The following ARHGAP31 variants were observed in gnomAD, a reference collection of about 807,000 sequenced individuals.
ARHGAP31 encodes rho GTPase-activating protein 31.
Under a neutral mutation model 113.9 loss-of-function variants are expected in ARHGAP31, and 34 were observed. The ratio of observed to expected loss-of-function variants is 0.30; its 90% CI spans 0.23 to 0.40. ARHGAP31 has a LOEUF of 0.40. ARHGAP31 is among the 10% of genes least tolerant of loss of function. The probability of loss-of-function intolerance (pLI) is 1.00; values close to 1 mark genes in which losing one functional copy is unlikely to be tolerated. For missense variants in ARHGAP31, 1,548 were observed against 1,767.1 expected (o/e 0.88, Z 2.22); for synonymous variants, 650 against 684.8 (o/e 0.95, Z 0.79).
At position 119,415,923 on chromosome 3, in the gene ARHGAP31, G is replaced by T. The variant is rs1383117353; in HGVS notation, c.3994G>T (p.Gly1332Cys). The T allele has an allele frequency of 4.3e-6, 7 of 1,614,026 alleles. No homozygotes were observed. The African/African-American group carries it at 8.0e-5, about 18-fold the overall frequency. ...LSSKLERPSG[G>C]SKPFHRSRPG... Reference sequence around the variant, plus strand: ...TTCAAAACTAGAGCGACCATCTGGGGGTTCTAAGCCTTTCCACAGGTCAAG... The same window carrying T: ...TTCAAAACTAGAGCGACCATCTGGGTGTTCTAAGCCTTTCCACAGGTCAAG... Residue 1332 changes from glycine to cysteine, a missense_variant, in exon 12 of 12, where the codon GGT becomes TGT. Coordinates refer to ENST00000264245, the MANE Select transcript of ARHGAP31 (RefSeq NM_020754.4).
chr3:119,361,309 G>C (rs1164051687), intron 1 of ARHGAP31, among the ~76,000 whole-genome samples: 1 of 151,594 alleles, frequency 6.6e-6, no homozygotes, highest in Non-Finnish European at 1.5e-5. Context: ...GAAATCCCCA[G>C]GTGATTTTAT....
At chr3:119,298,861 A>G in intron 1 of ARHGAP31, 1 of 222,800 alleles carries the variant, frequency 4.5e-6, no homozygotes, top group Non-Finnish European at 9.3e-6. Context: ...ATACTTCCGA[A>G]GTTGTATGTA....
intron 1 of ARHGAP31, among the ~76,000 whole-genome samples, chr3:119,349,558 G>A (rs114721355): frequency 0.011 from 1,635 of 152,238 alleles, 16 homozygotes; most frequent in Non-Finnish European, 0.015. Context: ...TGGGGGAGGG[G>A]TCACGAAGAA....
Position 119,401,822 on chromosome 3 carries a change from G to A in ARHGAP31, c.1070G>A (p.Gly357Glu). The A allele has an allele frequency of 6.2e-7, 1 of 1,613,836 alleles. No homozygotes were observed. Among genetic ancestry groups the A allele is most frequent in the South Asian group, 1.1e-5 (1 of 90,960 alleles). The change falls in exon 10 of 12, where the codon GGA becomes GAA. Residue 357 changes from glycine to glutamate, a missense_variant and splice_region_variant. Transcript: ENST00000264245. ...MDSLCSVPVE[G>E]KETKGNFNRT... ...CCATACACTTGTTCCTTTTTACTAGGAAAAGAAACCAAGGGAAATTTCAAT... is the reference window on the plus strand; with the variant it reads ...CCATACACTTGTTCCTTTTTACTAGAAAAAGAAACCAAGGGAAATTTCAAT...
chr3:119,301,776 G>A (rs1417262602), intron 1 of ARHGAP31, among the ~76,000 whole-genome samples: 2 of 152,156 alleles, frequency 1.3e-5, no homozygotes, highest in Non-Finnish European at 2.9e-5. Flanking sequence ...CATAAGAACT[G>A]TCACTGCCCT....
At chr3:119,312,628 A>G (rs892223745) in intron 1 of ARHGAP31, among the ~76,000 whole-genome samples, 2 of 152,298 alleles carry the variant, frequency 1.3e-5, no homozygotes, top group Non-Finnish European at 2.9e-5. Flanking sequence ...TGTTAAAAAC[A>G]ACAACAACAA....
rs573424645 is a variant in ARHGAP31, at chr3:119,294,822, G to A, written c.-83G>A. 50 of 1,307,978 alleles carry A rather than the reference G, an allele frequency of 3.8e-5. No homozygotes were observed. The African/African-American group carries it at 6.8e-4, about 18-fold the overall frequency. 81.0% of individuals were successfully genotyped at this position (1,307,978 alleles called of 1,614,324 possible). A position where few individuals can be genotyped will look rare whatever the true frequency, so the allele number is the denominator to read the frequency against. ...CCCCCAGAGCCGCGGGGCAGCCGGT[G>A]ATCTAGCCCGGGAGCCCATCTTACA... On this transcript the variant is annotated 5_prime_UTR_variant, in exon 1 of 12. An upstream open reading frame in the 5' UTR loses its in-frame stop. Transcript: ENST00000264245.
chr3:119,401,170 C>CAAA (rs11459615), intron 9 of ARHGAP31, among the ~76,000 whole-genome samples: 1 of 131,774 alleles, frequency 7.6e-6, no homozygotes, highest in African/African-American at 2.8e-5. Context: ...TACTCCATCT[C>CAAA]AAAAAAAAAA....
At chr3:119,365,732 T>C (rs1406642845) in intron 2 of ARHGAP31, among the ~76,000 whole-genome samples, 1 of 152,230 alleles carries the variant, frequency 6.6e-6, no homozygotes, top group East Asian at 1.9e-4. Flanking sequence ...AAGGAAAACG[T>C]GATTTATTAT....
At chr3:119,384,235 A>G (rs1380614484) in intron 6 of ARHGAP31, among the ~76,000 whole-genome samples, 2 of 152,158 alleles carry the variant, frequency 1.3e-5, no homozygotes, top group African/African-American at 2.4e-5. Flanking sequence ...CCTGTCCTCT[A>G]TGTAGTTTAT....
intron 1 of ARHGAP31, among the ~76,000 whole-genome samples, chr3:119,319,245 C>T (rs1241997388): frequency 2.7e-5 from 4 of 149,812 alleles, no homozygotes; most frequent in Non-Finnish European, 4.4e-5. Flanking sequence ...AAAAAAAACT[C>T]TAGAGTTTTT....
chr3:119,399,279 G>C lies in ARHGAP31; in HGVS notation c.1069+18G>C, dbSNP rs1379977554. ...TGTGGAAGGTAAGATTTTACAAGTA[G>C]TTTCTGAGTTGGAGATTACAACTAG... On this transcript the variant is annotated intron_variant, in intron 9 of 11. Coordinates refer to ENST00000264245, the MANE Select transcript of ARHGAP31 (RefSeq NM_020754.4). 1 of 1,602,998 alleles carries C rather than the reference G, an allele frequency of 6.2e-7. No homozygotes were observed.
At chr3:119,405,717 G>T (rs1299452696) in intron 10 of ARHGAP31, among the ~76,000 whole-genome samples, 1 of 152,160 alleles carries the variant, frequency 6.6e-6, no homozygotes, top group African/African-American at 2.4e-5. Context: ...ATGGTCACCC[G>T]CTTTGTGTAT....
At chr3:119,366,671 C>T (rs1352174738) in intron 2 of ARHGAP31, among the ~76,000 whole-genome samples, 2 of 151,978 alleles carry the variant, frequency 1.3e-5, no homozygotes, top group Admixed American at 1.3e-4. Flanking sequence ...CAGCACTGAC[C>T]TTATCCTTGA....
At chr3:119,345,277 C>G (rs973148451) in intron 1 of ARHGAP31, among the ~76,000 whole-genome samples, 3 of 152,006 alleles carry the variant, frequency 2.0e-5, no homozygotes, top group African/African-American at 7.2e-5. Context: ...TGTGCCACCA[C>G]GCCCGGCCCG....
At chr3:119,363,618 A>T (rs1163548139) in intron 1 of ARHGAP31, among the ~76,000 whole-genome samples, 2 of 152,216 alleles carry the variant, frequency 1.3e-5, no homozygotes, top group African/African-American at 2.4e-5. Flanking sequence ...GAAGGCCACA[A>T]GGGAAAGGAA....
intron 1 of ARHGAP31, among the ~76,000 whole-genome samples, chr3:119,355,994 C>T (rs2080154151): frequency 6.6e-6 from 1 of 152,098 alleles, no homozygotes; most frequent in Admixed American, 6.6e-5. Context: ...TCATTGTCCC[C>T]AAGGAGCTCA....
chr3:119,341,496 A>G (rs907069914), intron 1 of ARHGAP31, among the ~76,000 whole-genome samples: 1 of 152,196 alleles, frequency 6.6e-6, no homozygotes, highest in African/African-American at 2.4e-5. Context: ...AGGCACCAAG[A>G]GGTTAAGAAA....
chr3:119,299,846 A>G (rs1040935376), intron 1 of ARHGAP31, among the ~76,000 whole-genome samples: 17 of 152,284 alleles, frequency 1.1e-4, no homozygotes, highest in African/African-American at 3.4e-4. Context: ...AGTCTTAGCA[A>G]AGAAGGTAAA....
Sources: gnomAD v4.1 joint callset for allele counts (sites outside exome capture counted in the v4.1 genomes callset) on GRCh38, gnomAD v4.1.1 for gene constraint, MANE v1.5 for transcripts, NCBI Gene and HGNC (gene_info 2026-07-23, HGNC 2026-07-21) for gene names.